PARD3: variants seen among roughly 807,000 people sequenced by gnomAD.
The protein encoded by PARD3 is par-3 family cell polarity regulator.
In PARD3, 75 loss-of-function variants were observed where a neutral mutation model predicts 155.4. The observed-to-expected ratio is 0.48, with a 90% CI of 0.40 to 0.58. The LOEUF (loss-of-function observed/expected upper bound fraction) is 0.58. Among genes scored for constraint, PARD3 ranks in the 20% least tolerant of loss-of-function variants. The probability of loss-of-function intolerance (pLI) is 0.00; values close to 1 mark genes in which losing one functional copy is unlikely to be tolerated. For synonymous variants in PARD3, 576 were observed against 610.5 expected, an observed-to-expected ratio of 0.94 and a Z score of 0.83; for missense variants, 1,642 against 1,721.7, an observed-to-expected ratio of 0.95 and a Z score of 0.82.
chr10:34,192,348 T>C (rs1287941257), intron 22 of PARD3, among the ~76,000 whole-genome samples: 1 of 152,158 alleles, frequency 6.6e-6, no homozygotes, highest in Non-Finnish European at 1.5e-5. Flanking sequence ...CCCTCCCACC[T>C]TGGCCTCCCA....
chr10:34,362,503 G>A (rs2134520211), intron 12 of PARD3, among the ~76,000 whole-genome samples: 1 of 151,974 alleles, frequency 6.6e-6, no homozygotes. Context: ...TGTTTTTGTT[G>A]TTTGTTTTTT....
At chr10:34,601,280 A>G (rs2132501160) in intron 2 of PARD3, among the ~76,000 whole-genome samples, 1 of 151,654 alleles carries the variant, frequency 6.6e-6, no homozygotes, top group East Asian at 2.0e-4. Context: ...AAAAAAAAAA[A>G]AAAAGCAAAA....
chr10:34,231,008 C>T (rs1053617809), intron 22 of PARD3, among the ~76,000 whole-genome samples: 1 of 151,948 alleles, frequency 6.6e-6, no homozygotes, highest in Non-Finnish European at 1.5e-5. Flanking sequence ...GCCTGGGTGA[C>T]AGAGCGAGAC....
intron 1 of PARD3, among the ~76,000 whole-genome samples, chr10:34,753,019 C>A (rs1836259846): frequency 1.3e-5 from 2 of 152,234 alleles, no homozygotes; most frequent in Non-Finnish European, 2.9e-5. Context: ...TGGAAGAAAA[C>A]AGCCAAGGCA....
At chr10:34,343,682 T>A (rs1837076430) in intron 15 of PARD3, 2 of 984,638 alleles carry the variant, frequency 2.0e-6, no homozygotes, top group Non-Finnish European at 2.4e-6. Flanking sequence ...ACCTAGACAA[T>A]ACAATGATCC....
intron 2 of PARD3, among the ~76,000 whole-genome samples, chr10:34,579,554 C>CTCTGTGTGTGTGTGTGTG (rs1554775574): frequency 6.5e-5 from 8 of 122,574 alleles, no homozygotes; most frequent in African/African-American, 2.2e-4. Context: ...ACCATTTTCT[C>CTCTGTGTGTGTGTGTGTG]TGTGTGTGTG....
At chr10:34,278,471 G>A (rs1210727773) in intron 21 of PARD3, among the ~76,000 whole-genome samples, 1 of 152,112 alleles carries the variant, frequency 6.6e-6, no homozygotes, top group Non-Finnish European at 1.5e-5. Flanking sequence ...ATCTCATTGT[G>A]AATTGTAGTT....
chr10:34,142,361 G>A (rs998556852), intron 22 of PARD3, among the ~76,000 whole-genome samples: 1 of 151,584 alleles, frequency 6.6e-6, no homozygotes. Context: ...GGGCAACATC[G>A]CAAGACCCCA....
intron 11 of PARD3, among the ~76,000 whole-genome samples, chr10:34,374,515 C>G (rs1841021677): frequency 6.6e-6 from 1 of 152,074 alleles, no homozygotes; most frequent in Non-Finnish European, 1.5e-5. Context: ...TTGTCATATG[C>G]AGTGTGGAAG....
At chr10:34,669,929 C>T (rs78237311) in intron 2 of PARD3, among the ~76,000 whole-genome samples, 2,855 of 152,258 alleles carry the variant, frequency 0.019, 93 homozygotes, top group African/African-American at 0.065. Flanking sequence ...TACTCTTTGA[C>T]AAAGCTACAC....
chr10:34,186,657 C>T (rs1950507971), intron 22 of PARD3, among the ~76,000 whole-genome samples: 1 of 152,180 alleles, frequency 6.6e-6, no homozygotes, highest in Non-Finnish European at 1.5e-5. Context: ...AGGAGGAGGA[C>T]ATAAGCAGTG....
At chr10:34,688,414 C>T (rs986567428) in intron 2 of PARD3, among the ~76,000 whole-genome samples, 52 of 152,146 alleles carry the variant, frequency 3.4e-4, no homozygotes, top group Non-Finnish European at 6.5e-4. Context: ...GGAAAGTTCA[C>T]GTACACAAAC....
intron 2 of PARD3, among the ~76,000 whole-genome samples, chr10:34,681,184 A>C (rs2093811086): frequency 6.6e-6 from 1 of 152,182 alleles, no homozygotes; most frequent in Admixed American, 6.5e-5. Flanking sequence ...TGACTGAGTA[A>C]TTTTATATCT....
intron 2 of PARD3, among the ~76,000 whole-genome samples, chr10:34,671,408 C>T (rs925629690): frequency 6.6e-6 from 1 of 152,110 alleles, no homozygotes; most frequent in Non-Finnish European, 1.5e-5. Flanking sequence ...AACCTCCTTC[C>T]TCAAGTAACA....
chr10:34,295,492 C>T (rs147551669), intron 20 of PARD3, among the ~76,000 whole-genome samples: 1 of 152,118 alleles, frequency 6.6e-6, no homozygotes, highest in African/African-American at 2.4e-5. Flanking sequence ...GGCTCACTGG[C>T]CATCACAAGC....
At position 34,461,729 on chromosome 10, in the gene PARD3, T is replaced by C. The variant is rs149219201; in HGVS notation, c.582+8356A>G. The stretch of plus-strand genomic sequence containing the variant: ...AATTTAATCAATGATACTTCCTGGT[T>C]CTCTCCCCTAAGTCAAGACAATCAG... On this transcript the variant is annotated intron_variant, in intron 4 of 24. Transcript: ENST00000374788. 7.2e-4 allele frequency among the ~76,000 whole-genome samples: 109 copies of C among 152,314 alleles called. 1 individual carries two copies. The South Asian group carries it at 7.9e-3, about 11-fold the overall frequency.
At chr10:34,554,883 T>C (rs959104574) in intron 2 of PARD3, among the ~76,000 whole-genome samples, 4 of 152,294 alleles carry the variant, frequency 2.6e-5, no homozygotes, top group Non-Finnish European at 4.4e-5. Context: ...AATACTAAAA[T>C]ACTGAGATGA....
In PARD3 at chr10:34,795,146, T is replaced by C. The variant is rs1026007051; in HGVS notation, c.120+19730A>G. 2.0e-5 allele frequency among the ~76,000 whole-genome samples: 3 copies of C among 152,196 alleles called. No individual in the cohort carries two copies. The South Asian group carries it at 6.2e-4, about 32-fold the overall frequency. ...AGCCACAGTACAAGAAGTCCAACCA[T>C]CCGGAAGCCTCTATGCTGGAGACAC... On this transcript the variant is annotated intron_variant, in intron 1 of 24. Transcript: ENST00000374788.
chr10:34,729,769 C>T (rs1047163678), intron 1 of PARD3, among the ~76,000 whole-genome samples: 5 of 152,156 alleles, frequency 3.3e-5, no homozygotes, highest in Non-Finnish European at 5.9e-5. Context: ...AGCGAGCAGT[C>T]TCCTGGAGGA....
Sources: allele counts gnomAD v4.1 joint callset (sites outside exome capture counted in the v4.1 genomes callset), GRCh38; gene constraint gnomAD v4.1.1; transcripts MANE v1.5; gene names NCBI Gene and HGNC (gene_info 2026-07-23, HGNC 2026-07-21).